Variants in PACS1 observed in about 807,000 individuals in gnomAD.
PACS1 encodes PACS-1.
PACS1 carries 24 observed loss-of-function variants against 115.0 expected under a neutral mutation model. The observed-to-expected ratio is 0.21, with a 90% CI of 0.15 to 0.29. PACS1 has a LOEUF of 0.29. Ranked by LOEUF, PACS1 falls within the 10% of genes least tolerant of loss-of-function variation. The pLI is 1.00. For missense variants in PACS1, 838 were observed against 1,251.2 expected, an observed-to-expected ratio of 0.67 and a Z score of 4.98; for synonymous variants, 453 against 504.5, an observed-to-expected ratio of 0.90 and a Z score of 1.37.
At chr11:66,071,648 G>C (rs952153440) in intron 1 of PACS1, among the ~76,000 whole-genome samples, 1 of 152,192 alleles carries the variant, frequency 6.6e-6, no homozygotes, top group African/African-American at 2.4e-5. Context: ...CTTACAGTTT[G>C]CCACTTGAAT....
rs113523525 is a variant in PACS1 at position 66,137,364 on chromosome 11, C to T, written c.357-56122C>T. On this transcript the variant is annotated intron_variant, in intron 1 of 23. Coordinates refer to ENST00000320580, the MANE Select transcript of PACS1 (RefSeq NM_018026.4). ...AATTAATTTTTTTCCAGCTAGCTGT[C>T]TAGTTACTCCAACATTATTGAATTA... is the stretch of plus-strand genomic sequence containing the variant. Among the ~76,000 whole-genome samples the T allele has an allele frequency of 2.5e-4, 38 of 152,070 alleles. 1 individual carries two copies. Among genetic ancestry groups the T allele is most frequent in the African/African-American group, 8.9e-4 (37 of 41,474 alleles).
intron 22 of PACS1, among the ~76,000 whole-genome samples, chr11:66,241,997 C>T (rs1855825238): frequency 6.6e-6 from 1 of 152,232 alleles, no homozygotes; most frequent in African/African-American, 2.4e-5. Context: ...ATCACAGCTC[C>T]AGGTCCCTGT....
At chr11:66,242,602 C>A (rs1388117685) in intron 22 of PACS1, among the ~76,000 whole-genome samples, 2 of 152,208 alleles carry the variant, frequency 1.3e-5, no homozygotes, top group Admixed American at 1.3e-4. Context: ...CAGGCCCCTG[C>A]CCCACAGGCT....
At chr11:66,178,593 T>A (rs920079272) in intron 1 of PACS1, among the ~76,000 whole-genome samples, 8 of 152,166 alleles carry the variant, frequency 5.3e-5, no homozygotes, top group African/African-American at 1.9e-4. Context: ...GTTTTAAATG[T>A]TTACTTAGTA....
At chr11:66,194,306 T>C (rs1313179266) in intron 2 of PACS1, among the ~76,000 whole-genome samples, 1 of 152,176 alleles carries the variant, frequency 6.6e-6, no homozygotes, top group Non-Finnish European at 1.5e-5. Flanking sequence ...AACTTACAGA[T>C]TGTTATTTCA....
In PACS1 at chr11:66,070,631, A is replaced by T; in HGVS notation, c.145A>T (p.Lys49Ter). The T allele has an allele frequency of 1.3e-6, 2 of 1,548,504 alleles. No individual in the cohort carries two copies. The highest frequency in any genetic ancestry group is 1.7e-6 in the Non-Finnish European group (2 of 1,154,748). ...GCCGCCGCAGCAGCCGACGCCCCCC[A>T]AGCTGGCCCAGGCCACCTCGTCGTC... ...QQPPQQPTPP[K>*]LAQATSSSSS... Residue 49 changes from lysine (K) to a stop codon, truncating the protein, a stop_gained, in exon 1 of 24, where the codon AAG (lysine) becomes TAG (stop). Coordinates refer to ENST00000320580, the MANE Select transcript of PACS1 (RefSeq NM_018026.4). LOFTEE classifies it high-confidence loss of function. The surrounding 1 kb of genome is among the most constrained non-coding windows in gnomAD (Gnocchi z 5.9).
chr11:66,072,948 C>T (rs1857336217), intron 1 of PACS1, among the ~76,000 whole-genome samples: 3 of 152,324 alleles, frequency 2.0e-5, no homozygotes, highest in Non-Finnish European at 4.4e-5. Context: ...GCAAAGTCCA[C>T]GTAATAAATT....
chr11:66,173,482 C>T (rs765080830), intron 1 of PACS1, among the ~76,000 whole-genome samples: 2 of 151,966 alleles, frequency 1.3e-5, no homozygotes, highest in Non-Finnish European at 1.5e-5. Flanking sequence ...CCGAGGCAAG[C>T]GGATCACTTG....
chr11:66,138,378 G>A (rs905791979), intron 1 of PACS1, among the ~76,000 whole-genome samples: 3 of 152,032 alleles, frequency 2.0e-5, no homozygotes, highest in African/African-American at 4.8e-5. Context: ...GTGCCCAGAC[G>A]GCTTTTGCAT....
chr11:66,198,952 A>G (rs866892725), intron 2 of PACS1, among the ~76,000 whole-genome samples: 2 of 152,348 alleles, frequency 1.3e-5, no homozygotes, highest in Middle Eastern at 3.4e-3. Context: ...CTATTGATAG[A>G]TAAACCTACA....
intron 1 of PACS1, among the ~76,000 whole-genome samples, chr11:66,081,619 G>C (rs1234480675): frequency 6.6e-6 from 1 of 152,128 alleles, no homozygotes; most frequent in Non-Finnish European, 1.5e-5. Context: ...CAGTGGCTGG[G>C]TCGGGATCCT....
chr11:66,131,995 A>G, intron 1 of PACS1, among the ~76,000 whole-genome samples: 1 of 151,590 alleles, frequency 6.6e-6, no homozygotes, highest in Non-Finnish European at 1.5e-5. Flanking sequence ...ATCTTTATTC[A>G]TCTAAGTACA....
intron 1 of PACS1, among the ~76,000 whole-genome samples, chr11:66,141,429 G>A (rs1234720488): frequency 4.6e-5 from 7 of 152,008 alleles, no homozygotes; most frequent in African/African-American, 7.2e-5. Context: ...CAAGGCGGGC[G>A]GATCACCTGA....
Position 66,070,771 on chromosome 11 carries a change from C to A in PACS1, c.285C>A (p.Thr95=), listed in dbSNP as rs1467295872. 2 of 1,537,410 alleles carry A rather than the reference C, an allele frequency of 1.3e-6. No individual in the cohort carries two copies. Among genetic ancestry groups the A allele is most frequent in the South Asian group, 2.4e-5 (2 of 83,762 alleles). Residue 95 remains threonine, a synonymous_variant, in exon 1 of 24, where the codon ACC becomes ACA. Transcript: ENST00000320580. This position sits in a 1 kb window ranked among gnomAD's most constrained non-coding sequence, Gnocchi z 5.9. ...APPGGPGPGR[T]PAPVQMNLYA... Reference sequence around the variant, plus strand: ...CCGGTGGCCCGGGGCCAGGCCGCACCCCCGCCCCGGTGCAGATGAACCTGT... The same window carrying A: ...CCGGTGGCCCGGGGCCAGGCCGCACACCCGCCCCGGTGCAGATGAACCTGT...
chr11:66,229,838 C>T (rs950514001), intron 11 of PACS1, among the ~76,000 whole-genome samples: 9 of 151,906 alleles, frequency 5.9e-5, no homozygotes, highest in Admixed American at 1.3e-4. Context: ...CCCAGCTAGT[C>T]GGGAGGCTGA....
chr11:66,195,563 G>T (rs553219747), intron 2 of PACS1, among the ~76,000 whole-genome samples: 124 of 152,258 alleles, frequency 8.1e-4, no homozygotes, highest in Non-Finnish European at 1.4e-3. Context: ...TTTTGCCAAA[G>T]AAATAATTTA....
chr11:66,149,720 T>C (rs1424924670), intron 1 of PACS1, among the ~76,000 whole-genome samples: 1 of 151,944 alleles, frequency 6.6e-6, no homozygotes, highest in African/African-American at 2.4e-5. Context: ...TACATGTCTG[T>C]TCAGTACATT....
At chr11:66,168,748 A>ATG (rs1206021138) in intron 1 of PACS1, among the ~76,000 whole-genome samples, 1 of 142,834 alleles carries the variant, frequency 7.0e-6, no homozygotes, top group African/African-American at 2.9e-5. Context: ...TAGTATATAT[A>ATG]TATATGTGTG....
At chr11:66,140,923 T>C (rs1858965483) in intron 1 of PACS1, among the ~76,000 whole-genome samples, 1 of 152,180 alleles carries the variant, frequency 6.6e-6, no homozygotes, top group Non-Finnish European at 1.5e-5. Flanking sequence ...TTTTTTGGTT[T>C]TCTTTCTTAT....
Sources: gnomAD v4.1 joint callset for allele counts (sites outside exome capture counted in the v4.1 genomes callset) on GRCh38, gnomAD v4.1.1 for gene constraint, Gnocchi (gnomAD v3.1) non-coding constraint, MANE v1.5 for transcripts, NCBI Gene and HGNC (gene_info 2026-07-23, HGNC 2026-07-21) for gene names.